Variants in RBBP8 observed in about 807,000 individuals in gnomAD.
RBBP8 encodes RB binding protein 8, endonuclease, also known as DNA endonuclease RBBP8.
In RBBP8, 88 loss-of-function variants were observed where a neutral mutation model predicts 108.3. The ratio of observed to expected loss-of-function variants is 0.81; its 90% confidence interval spans 0.68 to 0.97. RBBP8 has a LOEUF of 0.97. Ranked by LOEUF, RBBP8 falls within the 50% of genes least tolerant of loss-of-function variation. RBBP8 has a pLI of 0.00. For missense variants in RBBP8, 1,023 were observed against 1,049.0 expected (o/e 0.98, Z 0.34); for synonymous variants, 332 against 348.2 (o/e 0.95, Z 0.52).
intron 8 of RBBP8, among the ~76,000 whole-genome samples, chr18:22,986,497 G>A (rs958460413): frequency 7.9e-5 from 12 of 152,284 alleles, no homozygotes; most frequent in African/African-American, 2.6e-4. Context: ...AAGACATTTT[G>A]CAGTAAAGAG....
intron 4 of RBBP8, among the ~76,000 whole-genome samples, chr18:22,956,039 A>T (rs932255813): frequency 2.0e-5 from 3 of 151,848 alleles, no homozygotes; most frequent in African/African-American, 7.3e-5. Context: ...CAAAACAGAC[A>T]CTCTGAAATA....
chr18:22,943,569 G>A (rs547462157), intron 2 of RBBP8, among the ~76,000 whole-genome samples: 1 of 152,100 alleles, frequency 6.6e-6, no homozygotes, highest in East Asian at 1.9e-4. Flanking sequence ...CTTAAGCAAA[G>A]TGAGCACAGC....
intron 16 of RBBP8, 57 bp downstream of exon 16, chr18:23,006,489 T>C: frequency 7.4e-7 from 1 of 1,359,310 alleles, no homozygotes; most frequent in East Asian, 2.3e-5. Context: ...AGAGCTGTCT[T>C]TTATTTCTCT....
chr18:22,940,320 CTTTTT>C (rs146953584), intron 2 of RBBP8, among the ~76,000 whole-genome samples: 13 of 110,284 alleles, frequency 1.2e-4, no homozygotes, highest in African/African-American at 6.9e-5. Flanking sequence ...TTCTATATTT[CTTTTT>C]TTTTTTTTTT....
intron 16 of RBBP8, among the ~76,000 whole-genome samples, chr18:23,007,315 C>T (rs889405110): frequency 6.6e-6 from 1 of 152,010 alleles, no homozygotes; most frequent in Non-Finnish European, 1.5e-5. Flanking sequence ...GCCACCACAC[C>T]CAGCCTGTCT....
At chr18:22,951,056 A>G (rs889854241) in intron 4 of RBBP8, among the ~76,000 whole-genome samples, 2 of 152,224 alleles carry the variant, frequency 1.3e-5, no homozygotes, top group African/African-American at 4.8e-5. Flanking sequence ...AACTCAATGG[A>G]TGCACATTTG....
At chr18:22,996,229 A>G (rs2045854682) in intron 12 of RBBP8, 145 bp from the exon 13 acceptor site, 3 of 1,313,972 alleles carry the variant, frequency 2.3e-6, no homozygotes, top group Non-Finnish European at 2.0e-6. Context: ...GAGCTGTGAG[A>G]GTTCTTTATA....
chr18:22,995,081 C>G (rs1443641235), intron 12 of RBBP8, among the ~76,000 whole-genome samples: 2 of 151,954 alleles, frequency 1.3e-5, no homozygotes, highest in African/African-American at 4.8e-5. Context: ...TTCTGTAGTT[C>G]AAGTGCAGTA....
chr18:22,997,027 A>G (rs1212525389), intron 13 of RBBP8, among the ~76,000 whole-genome samples: 1 of 152,232 alleles, frequency 6.6e-6, no homozygotes, highest in East Asian at 1.9e-4. Context: ...AAAATGCTGC[A>G]TATCTTATAT....
intron 5 of RBBP8, among the ~76,000 whole-genome samples, chr18:22,972,634 G>A (rs571574195): frequency 7.9e-5 from 12 of 152,042 alleles, no homozygotes; most frequent in African/African-American, 2.4e-4. Context: ...GGCTGGCCTC[G>A]AACTCCTAAC....
chr18:22,960,121 C>G (rs995324823), intron 4 of RBBP8, among the ~76,000 whole-genome samples: 4 of 152,092 alleles, frequency 2.6e-5, no homozygotes, highest in African/African-American at 9.7e-5. Flanking sequence ...TCTCAACCTC[C>G]TGACCTTGTG....
chr18:22,976,493 T>A (rs1159811363), intron 6 of RBBP8, among the ~76,000 whole-genome samples: 1 of 152,136 alleles, frequency 6.6e-6, no homozygotes, highest in Non-Finnish European at 1.5e-5. Flanking sequence ...CTGTTTATAG[T>A]CTTTATCCCA....
At chr18:22,955,377 A>C (rs983094815) in intron 4 of RBBP8, among the ~76,000 whole-genome samples, 2 of 152,126 alleles carry the variant, frequency 1.3e-5, no homozygotes, top group African/African-American at 2.4e-5. Context: ...GCTCCATTTA[A>C]TTAAGCTGAA....
Position 23,022,134 on chromosome 18 carries a change from T to C in RBBP8, c.2460T>C (p.Tyr820=), listed in dbSNP as rs1277961750. 2.5e-6 allele frequency: 4 copies of C among 1,597,070 alleles called. No homozygotes were observed. Among genetic ancestry groups the C allele is most frequent in the South Asian group, 1.1e-5 (1 of 90,694 alleles). ...GHTCKECEIY[Y]ADMPAEEREK... ...TTACCAGTTTTTATTATTAGTATTA[T>C]GCAGATATGCCAGCAGAAGAAAGAG... The change falls in exon 18 of 19, where the codon TAT becomes TAC. Residue 820 remains tyrosine, a synonymous_variant. Coordinates refer to ENST00000327155, the MANE Select transcript of RBBP8 (RefSeq NM_002894.3).
chr18:23,020,451 T>G (rs186149308), intron 17 of RBBP8, among the ~76,000 whole-genome samples: 55 of 152,042 alleles, frequency 3.6e-4, no homozygotes, highest in African/African-American at 1.2e-3. Flanking sequence ...AAATAAAACT[T>G]TATTTTTTAG....
Position 23,026,319 on chromosome 18 carries a change from T to A in RBBP8, c.*79T>A. The A allele has an allele frequency of 1.8e-6, 2 of 1,138,234 alleles. No individual in the cohort carries two copies. The highest frequency in any genetic ancestry group is 2.6e-6 in the Non-Finnish European group (2 of 765,492). The allele number at this position is 1,138,234 out of a possible 1,614,324, so 70.5% of individuals were successfully genotyped here. A position where few individuals can be genotyped will look rare whatever the true frequency, so the allele number is the denominator to read the frequency against. On this transcript the variant is annotated 3_prime_UTR_variant, in exon 19 of 19. Transcript: ENST00000327155. ...TATAGTTAAAGTTGGTACTAAACAT[T>A]GATTTTTTTGATCTTCTGTAAATGG...
chr18:22,980,163 T>C (rs1287657206), intron 6 of RBBP8, among the ~76,000 whole-genome samples: 1 of 151,962 alleles, frequency 6.6e-6, no homozygotes, highest in African/African-American at 2.4e-5. Flanking sequence ...CTAGAATCAC[T>C]ACAACCCAGG....
intron 4 of RBBP8, among the ~76,000 whole-genome samples, chr18:22,956,259 A>G (rs1192422893): frequency 6.6e-6 from 1 of 152,122 alleles, no homozygotes; most frequent in Non-Finnish European, 1.5e-5. Context: ...AATCTGTACA[A>G]ACTAACATTT....
At chr18:22,971,703 T>C (rs1406418382) in intron 5 of RBBP8, among the ~76,000 whole-genome samples, 1 of 146,906 alleles carries the variant, frequency 6.8e-6, no homozygotes, top group Non-Finnish European at 1.5e-5. Context: ...TGGAGTGCAG[T>C]GGCGTCATCT....
Sources: gnomAD v4.1 joint callset for allele counts (sites outside exome capture counted in the v4.1 genomes callset) on GRCh38, gnomAD v4.1.1 for gene constraint, MANE v1.5 for transcripts, NCBI Gene and HGNC (gene_info 2026-07-23, HGNC 2026-07-21) for gene names.